EFTUD2: variants seen among roughly 807,000 people sequenced by gnomAD.
EFTUD2 encodes 116 kDa U5 small nuclear ribonucleoprotein component.
Under a neutral mutation model 114.3 loss-of-function variants are expected in EFTUD2, and 9 were observed. The observed-to-expected ratio is 0.08, with a 90% CI of 0.05 to 0.14. The LOEUF (loss-of-function observed/expected upper bound fraction) is 0.14, where lower values mean the gene tolerates loss of function less well. Among genes scored for constraint, EFTUD2 ranks in the 10% least tolerant of loss-of-function variants. EFTUD2 has a pLI of 1.00. For synonymous variants in EFTUD2, 449 were observed against 462.3 expected, an observed-to-expected ratio of 0.97 and a Z score of 0.37; for missense variants, 765 against 1,241.2, an observed-to-expected ratio of 0.62 and a Z score of 5.76.
intron 10 of EFTUD2, among the ~76,000 whole-genome samples, chr17:44,874,856 T>A (rs948665980): frequency 6.6e-6 from 1 of 152,266 alleles, no homozygotes; most frequent in East Asian, 1.9e-4. Context: ...GCACATCAGC[T>A]GCTACATTGC....
intron 11 of EFTUD2, 118 bp from the exon 12 acceptor site, chr17:44,868,468 A>T (rs763226650): frequency 1.9e-5 from 17 of 907,860 alleles, no homozygotes; most frequent in Non-Finnish European, 2.9e-5. Context: ...TCCAGGGTCC[A>T]GGCAGTTCCT....
chr17:44,881,007 A>T (rs114312108), intron 7 of EFTUD2, among the ~76,000 whole-genome samples: 8,999 of 152,120 alleles, frequency 0.059, 319 homozygotes, highest in Non-Finnish European at 0.08. Flanking sequence ...GTTTTTTTTT[A>T]AAAAAGAAAT....
intron 6 of EFTUD2, among the ~76,000 whole-genome samples, chr17:44,882,771 C>T (rs961181353): frequency 1.2e-4 from 18 of 152,064 alleles, no homozygotes; most frequent in African/African-American, 4.1e-4. Flanking sequence ...AAACCAGGTA[C>T]AATTGTACCA....
Position 44,853,647 on chromosome 17 carries a change from G to T in EFTUD2, c.2348-12C>A. On this transcript the variant is annotated splice_polypyrimidine_tract_variant and intron_variant, in intron 23 of 27. Coordinates refer to ENST00000426333, the MANE Select transcript of EFTUD2 (RefSeq NM_004247.4). The stretch of plus-strand genomic sequence containing the variant: ...GACATTCCGAATCACTGTAAAGGAG[G>T]TGGAGGGAGTGACTGGGGAGAGGTT... The T allele has an allele frequency of 6.2e-7, 1 of 1,613,204 alleles. No individual in the cohort carries two copies. The highest frequency in any genetic ancestry group is 8.5e-7 in the Non-Finnish European group (1 of 1,179,250).
At chr17:44,870,785 C>A (rs535183117) in intron 11 of EFTUD2, among the ~76,000 whole-genome samples, 1 of 151,982 alleles carries the variant, frequency 6.6e-6, no homozygotes, top group Non-Finnish European at 1.5e-5. Flanking sequence ...TTTGAGAGGC[C>A]GAGGTGGGCG....
intron 13 of EFTUD2, among the ~76,000 whole-genome samples, chr17:44,866,892 C>A (rs1287252927): frequency 6.6e-6 from 1 of 152,144 alleles, no homozygotes; most frequent in Non-Finnish European, 1.5e-5. Flanking sequence ...TCACTTGAGG[C>A]TACAAGTTTG....
At chr17:44,898,937 CCA>C (rs1567760305) in intron 1 of EFTUD2, 5 of 152,180 alleles carry the variant, frequency 3.3e-5, no homozygotes. Context: ...GCTGATTTGC[CCA>C]CAGTTACACA....
chr17:44,853,739 T>A, intron 23 of EFTUD2, 104 bp from the exon 24 acceptor site: 1 of 1,554,148 alleles, frequency 6.4e-7, no homozygotes, highest in South Asian at 1.2e-5. Flanking sequence ...CTTGCAGTCA[T>A]GAAAGACATG....
intron 13 of EFTUD2, 184 bp from the exon 14 acceptor site, chr17:44,865,249 AC>A: frequency 1.3e-6 from 1 of 760,246 alleles, no homozygotes; most frequent in Non-Finnish European, 2.0e-6. Context: ...TACCCTTCAA[AC>A]CACAGGCAAA....
rs547020982 is a variant in EFTUD2, at chr17:44,895,649, T to C, written c.-4-1124A>G. Among the ~76,000 whole-genome samples, 24 of 152,304 alleles carry C rather than the reference T, an allele frequency of 1.6e-4. 1 individual carries two copies. The South Asian group carries it at 3.5e-3, about 22-fold the overall frequency. ...GCCTAAAATATTATCCAGTCCTTAA[T>C]AGAAAAAGTTTGCCAACCTCTCCCT... On this transcript the variant is annotated intron_variant, in intron 1 of 27. Transcript: ENST00000426333.
At position 44,853,836 on chromosome 17, in the gene EFTUD2, G is replaced by A. The variant is rs1163771117; in HGVS notation, c.2348-201C>T. The A allele has an allele frequency of 3.5e-6, 5 of 1,418,996 alleles. No homozygotes were observed. In the African/African-American group the frequency reaches 5.8e-5, roughly 16 times the overall value. The allele number at this position is 1,418,996 out of a possible 1,614,324, so 87.9% of individuals were successfully genotyped here. On this transcript the variant is annotated intron_variant, in intron 23 of 27. Transcript: ENST00000426333. ...CAGAAGTTAAGCATATGTTCTTAGT[G>A]TTTGCTTCAGGCCATGCTCAGACTT...
intron 14 of EFTUD2, among the ~76,000 whole-genome samples, chr17:44,864,397 C>A (rs1251116474): frequency 1.3e-5 from 2 of 152,180 alleles, no homozygotes; most frequent in African/African-American, 2.4e-5. Flanking sequence ...CAGCCATCAC[C>A]CTTTCCACTT....
intron 1 of EFTUD2, among the ~76,000 whole-genome samples, chr17:44,896,346 G>A (rs891229126): frequency 5.9e-5 from 9 of 151,974 alleles, no homozygotes; most frequent in African/African-American, 2.2e-4. Flanking sequence ...ATTTAATTTT[G>A]TCTTAAATAG....
chr17:44,866,398 C>T (rs1207722321), intron 13 of EFTUD2, among the ~76,000 whole-genome samples: 1 of 149,020 alleles, frequency 6.7e-6, no homozygotes, highest in Non-Finnish European at 1.5e-5. Flanking sequence ...GTGCACACCA[C>T]CAGTCCCAGT....
At chr17:44,863,290 GT>G (rs1340966545) in intron 15 of EFTUD2, 5 of 247,180 alleles carry the variant, frequency 2.0e-5, no homozygotes, top group Non-Finnish European at 3.9e-5. Context: ...TGGGAAAGAT[GT>G]TTTTAAAAGC....
At chr17:44,880,431 T>C in intron 8 of EFTUD2, 123 bp downstream of exon 8, 1 of 641,924 alleles carries the variant, frequency 1.6e-6, no homozygotes, top group Non-Finnish European at 2.7e-6. Flanking sequence ...TGGAAAATGG[T>C]TTCAATGAAG....
In EFTUD2 at chr17:44,880,613, G is replaced by A. The variant is rs1302376036; in HGVS notation, c.560C>T (p.Thr187Ile). 2 of 1,613,726 alleles carry A rather than the reference G, an allele frequency of 1.2e-6. No individual in the cohort carries two copies. The highest frequency in any genetic ancestry group is 2.2e-5 in the East Asian group (1 of 44,864). The change falls in exon 8 of 28, where the codon ACA (threonine) becomes ATA (isoleucine). Residue 187 changes from threonine (T) to isoleucine (I), a missense_variant. Physicochemically the swap from Thr to Ile is moderately conservative, Grantham distance 89 (BLOSUM62 -1). Transcript: ENST00000426333. The stretch of plus-strand genomic sequence containing the variant: ...TCCTTTGGTGTCTGGCAAGACCACT[G>A]TCACAGGAGTGCTTTTGATGCCTAC... ...RGVGIKSTPV[T>I]VVLPDTKGKS...
chr17:44,882,603 T>C (rs182676675), intron 6 of EFTUD2, among the ~76,000 whole-genome samples: 10 of 152,316 alleles, frequency 6.6e-5, no homozygotes, highest in Non-Finnish European at 1.5e-5. Context: ...AGATAATTTA[T>C]ATCAAATGCA....
At chr17:44,890,076 C>T (rs146037849) in intron 2 of EFTUD2, among the ~76,000 whole-genome samples, 1,852 of 152,204 alleles carry the variant, frequency 0.012, 39 homozygotes, top group African/African-American at 0.042. Flanking sequence ...GGCGCGATCT[C>T]AGCTCACTGC....
Sources: allele counts gnomAD v4.1 joint callset (sites outside exome capture counted in the v4.1 genomes callset), GRCh38; gene constraint gnomAD v4.1.1; transcripts MANE v1.5; gene names NCBI Gene and HGNC (gene_info 2026-07-23, HGNC 2026-07-21).